Variants in ATP10A observed in about 807,000 individuals in gnomAD.
ATP10A encodes phospholipid-transporting ATPase VA.
In ATP10A, 111 loss-of-function variants were observed where a neutral mutation model predicts 147.8. That is an observed-to-expected ratio of 0.75 (90% CI 0.64 to 0.88). The LOEUF is 0.88. Ranked by LOEUF, ATP10A falls within the 40% of genes least tolerant of loss-of-function variation. The probability of loss-of-function intolerance (pLI) is 0.00; values close to 1 mark genes in which losing one functional copy is unlikely to be tolerated. For missense variants in ATP10A, 1,927 were observed against 1,959.0 expected (o/e 0.98, Z 0.31); for synonymous variants, 875 against 841.6 (o/e 1.04, Z -0.69).
Position 25,716,721 on chromosome 15 carries a change from A to G in ATP10A, c.1776+9T>C, listed in dbSNP as rs1428269853. On this transcript the variant is annotated intron_variant, in intron 9 of 20. Transcript: ENST00000555815. ...TCAAGGTCAAGCTCAGGGACCCTCC[A>G]GAACTTGCCTTTGTTCGTGGCTGAT... 4 of 1,565,952 alleles carry G rather than the reference A, an allele frequency of 2.6e-6. No individual in the cohort carries two copies. In the Admixed American group the frequency reaches 7.2e-5, roughly 28 times the overall value.
chr15:25,719,415 A>G (rs1235244177), intron 7 of ATP10A, among the ~76,000 whole-genome samples: 1 of 152,206 alleles, frequency 6.6e-6, no homozygotes, highest in African/African-American at 2.4e-5. Flanking sequence ...TTCCAGGAGC[A>G]GATGCCCCGC....
chr15:25,689,931 G>A (rs981273990), intron 15 of ATP10A, among the ~76,000 whole-genome samples: 2 of 152,208 alleles, frequency 1.3e-5, no homozygotes, highest in Non-Finnish European at 2.9e-5. Flanking sequence ...AAGCATATGA[G>A]GTCAATAGGC....
intron 4 of ATP10A, among the ~76,000 whole-genome samples, chr15:25,726,875 T>C (rs781417464): frequency 5.7e-4 from 79 of 138,842 alleles, no homozygotes; most frequent in Non-Finnish European, 9.2e-4. Context: ...TACGGTGAAA[T>C]CCCGTATCTA....
chr15:25,745,258 G>A (rs757511524), intron 2 of ATP10A, among the ~76,000 whole-genome samples: 16 of 151,924 alleles, frequency 1.1e-4, no homozygotes, highest in East Asian at 1.9e-4. Context: ...CCCAGGAGGC[G>A]GAGGTTGCAG....
At chr15:25,676,394 G>C (rs1376021139), downstream of ATP10A, among the ~76,000 whole-genome samples, 1 of 152,208 alleles carries the variant, frequency 6.6e-6, no homozygotes, top group Non-Finnish European at 1.5e-5. Flanking sequence ...ATGTGCAGGG[G>C]AGAAGCTCTG....
At chr15:25,729,687 C>G (rs905653898) in intron 3 of ATP10A, among the ~76,000 whole-genome samples, 2 of 152,218 alleles carry the variant, frequency 1.3e-5, no homozygotes, top group African/African-American at 4.8e-5. Context: ...ACAGCATGTT[C>G]TGTCCACTCT....
downstream of ATP10A, among the ~76,000 whole-genome samples, chr15:25,676,850 T>C (rs1195092819): frequency 1.3e-5 from 2 of 152,340 alleles, no homozygotes; most frequent in South Asian, 2.1e-4. Context: ...TCTTGTCATA[T>C]TAGCCAGAGA....
chr15:25,691,816 A>G (rs1900052162), intron 14 of ATP10A, 25 bp from the exon 15 acceptor site: 2 of 1,613,542 alleles, frequency 1.2e-6, no homozygotes, highest in African/African-American at 1.3e-5. Flanking sequence ...GGCAAGAAGA[A>G]TTGTTTGATT....
At chr15:25,725,854 G>A (rs1902508908) in intron 5 of ATP10A, 97 bp downstream of exon 5, 1 of 1,386,984 alleles carries the variant, frequency 7.2e-7, no homozygotes, top group African/African-American at 1.4e-5. Flanking sequence ...CTGACCTCAA[G>A]TGATCTGCCC....
intron 1 of ATP10A, among the ~76,000 whole-genome samples, chr15:25,829,800 G>A (rs1892275935): frequency 6.6e-6 from 1 of 152,156 alleles, no homozygotes; most frequent in African/African-American, 2.4e-5. Flanking sequence ...GGCGGAGAGT[G>A]AGGGTACGGG....
chr15:25,779,865 C>T (rs1318597776), intron 2 of ATP10A, among the ~76,000 whole-genome samples: 1 of 151,964 alleles, frequency 6.6e-6, no homozygotes, highest in Non-Finnish European at 1.5e-5. Context: ...CACACACACA[C>T]ACACACACAC....
At chr15:25,739,372 C>G (rs141396877) in intron 2 of ATP10A, among the ~76,000 whole-genome samples, 1,833 of 152,276 alleles carry the variant, frequency 0.012, 24 homozygotes, top group Non-Finnish European at 0.016. Flanking sequence ...GTGGGCTTAC[C>G]AGAGCCCACT....
At chr15:25,850,750 A>C (rs1893258398) in intron 1 of ATP10A, among the ~76,000 whole-genome samples, 1 of 151,334 alleles carries the variant, frequency 6.6e-6, no homozygotes, top group African/African-American at 2.4e-5. Flanking sequence ...CAGAGCACCT[A>C]AGGGCCCAAA....
intron 2 of ATP10A, among the ~76,000 whole-genome samples, chr15:25,749,294 G>A (rs867330474): frequency 3.3e-5 from 5 of 152,060 alleles, no homozygotes; most frequent in Admixed American, 6.6e-5. Context: ...TCTCAACACT[G>A]AAAACTATAA....
chr15:25,796,805 G>A (rs1480800474), intron 1 of ATP10A, among the ~76,000 whole-genome samples: 1 of 152,220 alleles, frequency 6.6e-6, no homozygotes, highest in Admixed American at 6.5e-5. Context: ...CGTAATTTGA[G>A]CTGGCCTTGT....
intron 2 of ATP10A, among the ~76,000 whole-genome samples, chr15:25,768,807 G>A (rs921915929): frequency 6.6e-6 from 1 of 150,948 alleles, no homozygotes; most frequent in Non-Finnish European, 1.5e-5. Flanking sequence ...GGGATTCCAG[G>A]TGTAAACCAC....
In ATP10A at chr15:25,720,416, G is replaced by A. The variant is rs529120157; in HGVS notation, c.1363+1241C>T. Reference sequence around the variant, plus strand: ...CAACAGATCTCAAAACCTATTCCTCGTGTCTATCTGAAACTGGGTCTCGGC... The same window carrying A: ...CAACAGATCTCAAAACCTATTCCTCATGTCTATCTGAAACTGGGTCTCGGC... On this transcript the variant is annotated intron_variant, in intron 7 of 20. Coordinates refer to ENST00000555815, the MANE Select transcript of ATP10A (RefSeq NM_024490.4). Among the ~76,000 whole-genome samples, 161 of 152,168 alleles carry A rather than the reference G, an allele frequency of 1.1e-3. 1 individual carries two copies. Among genetic ancestry groups the A allele is most frequent in the African/African-American group, 3.8e-3 (157 of 41,502 alleles).
intron 10 of ATP10A, among the ~76,000 whole-genome samples, chr15:25,713,212 C>G (rs144981826): frequency 1.3e-5 from 2 of 152,098 alleles, no homozygotes; most frequent in Non-Finnish European, 2.9e-5. Context: ...GAGGGGGGCT[C>G]GGCCCTTCCC....
chr15:25,864,786 G>A (rs559154961), upstream of ATP10A, among the ~76,000 whole-genome samples: 5 of 152,260 alleles, frequency 3.3e-5, no homozygotes, highest in Admixed American at 2.6e-4. Context: ...GGCCCACAGC[G>A]CCTGCAGTCT....
Sources: allele counts gnomAD v4.1 joint callset (sites outside exome capture counted in the v4.1 genomes callset), GRCh38; gene constraint gnomAD v4.1.1; transcripts MANE v1.5; gene names NCBI Gene and HGNC (gene_info 2026-07-23, HGNC 2026-07-21).